MUC4: variants seen among roughly 807,000 people sequenced by gnomAD.
MUC4 encodes the protein mucin 4, cell surface associated.
In MUC4, 202 loss-of-function variants were observed where a neutral mutation model predicts 257.9. The ratio of observed to expected loss-of-function variants is 0.78; its 90% CI spans 0.70 to 0.88. The LOEUF (loss-of-function observed/expected upper bound fraction) is 0.88. MUC4 is among the 40% of genes least tolerant of loss of function. The pLI is 0.00. For synonymous variants in MUC4, 2,351 were observed against 2,757.1 expected, an observed-to-expected ratio of 0.85 and a Z score of 4.62; for missense variants, 5,976 against 6,513.7, an observed-to-expected ratio of 0.92 and a Z score of 2.84.
intron 4 of MUC4, among the ~76,000 whole-genome samples, chr3:195,773,713 G>A (rs547383587): frequency 7.2e-6 from 1 of 138,558 alleles, no homozygotes; most frequent in Non-Finnish European, 1.6e-5. Context: ...TCTCGCCATC[G>A]CTCAGCAGGT....
rs755979753 is a variant in MUC4, at chr3:195,754,391, T to C, written c.15169-19A>G. ...CAGCCACCTGGAGGAGGGTTGCCGA[T>C]CACGGGCGGCCAGGAGACCAAACTG... On this transcript the variant is annotated intron_variant, in intron 18 of 24. Transcript: ENST00000463781. 1 of 1,594,124 alleles carries C rather than the reference T, an allele frequency of 6.3e-7. No homozygotes were observed. The highest frequency in any genetic ancestry group is 2.3e-5 in the East Asian group (1 of 44,156).
At chr3:195,759,399 G>T in intron 16 of MUC4, 138 bp from the exon 17 acceptor site, 1 of 1,204,566 alleles carries the variant, frequency 8.3e-7, no homozygotes, top group Non-Finnish European at 1.2e-6. Flanking sequence ...ATTATTCTGT[G>T]TACCTGCTCT....
chr3:195,778,713 G>C, intron 2 of MUC4, 77 bp downstream of exon 2: 1 of 1,451,312 alleles, frequency 6.9e-7, no homozygotes, highest in South Asian at 1.3e-5. Flanking sequence ...ATGCACCAGT[G>C]TTCTCAGGTA....
At chr3:195,771,305 T>C (rs868155660) in intron 5 of MUC4, among the ~76,000 whole-genome samples, 9 of 70,260 alleles carry the variant, frequency 1.3e-4, no homozygotes, top group African/African-American at 5.2e-4. Flanking sequence ...AGTCTCGTGG[T>C]TGGGTTGGGG....
rs561885057 is a variant in MUC4 at position 195,801,350 on chromosome 3, G to A, written c.83-9853C>T. Among the ~76,000 whole-genome samples, 44 of 152,096 alleles carry A rather than the reference G, an allele frequency of 2.9e-4. No homozygotes were observed. The East Asian group carries it at 7.9e-3, about 27-fold the overall frequency. ...GGTCTCTCCTCTCTCTTCTCTCCCC[G>A]TGACCCTCCATTTTCTACTTCACTG... On this transcript the variant is annotated intron_variant, in intron 1 of 24. Transcript: ENST00000463781.
chr3:195,764,095 T>C lies in MUC4; in HGVS notation c.13994A>G (p.Gln4665Arg). The C allele has an allele frequency of 6.2e-7, 1 of 1,608,288 alleles. No individual in the cohort carries two copies. Among genetic ancestry groups the C allele is most frequent in the East Asian group, 2.2e-5 (1 of 44,672 alleles). The change falls in exon 11 of 25, where the codon CAG becomes CGG. Residue 4665 changes from glutamine (Q) to arginine (R), a missense_variant. Coordinates refer to ENST00000463781, the MANE Select transcript of MUC4 (RefSeq NM_018406.7). The stretch of plus-strand genomic sequence containing the variant: ...ACAGCCCACGTGGGGCCGCCTCTGC[T>C]GGTACAGGGCACAGAGGTAGGGCTT... ...NDKPYLCALYQQRRPHVGCAT... is the reference protein window; with the variant it reads ...NDKPYLCALYRQRRPHVGCAT...
chr3:195,808,907 G>T (rs1736336810), intron 1 of MUC4, among the ~76,000 whole-genome samples: 1 of 152,192 alleles, frequency 6.6e-6, no homozygotes. Flanking sequence ...GGTTCTCCGA[G>T]GAGGGGCCCA....
intron 4 of MUC4, among the ~76,000 whole-genome samples, chr3:195,772,843 T>TGTAGACACCCTCTCTCC (rs1156533937): frequency 9.3e-6 from 1 of 107,952 alleles, no homozygotes; most frequent in Non-Finnish European, 1.8e-5. Flanking sequence ...CGCTCAGGGG[T>TGTAGACACCCTCTCTCC]ATAGACACCC....
At chr3:195,793,183 A>C (rs959944163) in intron 1 of MUC4, among the ~76,000 whole-genome samples, 1 of 152,130 alleles carries the variant, frequency 6.6e-6, no homozygotes, top group Non-Finnish European at 1.5e-5. Context: ...ACAACTGTAC[A>C]TATTTGGGGG....
chr3:195,756,032 GAGA>G (rs1371161126), intron 18 of MUC4, among the ~76,000 whole-genome samples: 6 of 152,212 alleles, frequency 3.9e-5, no homozygotes, highest in African/African-American at 1.4e-4. Flanking sequence ...TAGAAACATG[GAGA>G]AGTAGTTTCT....
At chr3:195,801,278 G>C (rs898254806) in intron 1 of MUC4, among the ~76,000 whole-genome samples, 1 of 152,306 alleles carries the variant, frequency 6.6e-6, no homozygotes, top group African/African-American at 2.4e-5. Context: ...TTGGGGAGCA[G>C]AGAGCTGGGA....
In MUC4 at chr3:195,790,305, A is replaced by C. The variant is rs1733699677; in HGVS notation, c.1275T>G (p.Val425=). 3 of 1,613,930 alleles carry C rather than the reference A, an allele frequency of 1.9e-6. No homozygotes were observed. The highest frequency in any genetic ancestry group is 2.5e-6 in the Non-Finnish European group (3 of 1,179,844). The stretch of plus-strand genomic sequence containing the variant: ...GAGTGTCTGACCACCATATGGTTGA[A>C]ACTTTGGAAGTGATTGCAGAAATGG... ...SGTISAITSK[V]STIWWSDTLS... The change falls in exon 2 of 25, where the codon GTT becomes GTG. Residue 425 remains valine, a synonymous_variant. Coordinates refer to ENST00000463781, the MANE Select transcript of MUC4 (RefSeq NM_018406.7).
intron 1 of MUC4, among the ~76,000 whole-genome samples, chr3:195,799,881 G>A (rs1421845032): frequency 1.3e-5 from 2 of 152,212 alleles, no homozygotes; most frequent in South Asian, 2.1e-4. Flanking sequence ...TGTTGGCAGT[G>A]TGCAAGAGTG....
rs1487869993 is a variant in MUC4, at chr3:195,761,105, C to G, written c.14627G>C (p.Gly4876Ala). The G allele has an allele frequency of 4.3e-6, 7 of 1,614,124 alleles. No homozygotes were observed. In the East Asian group the frequency reaches 1.6e-4, roughly 36 times the overall value. Residue 4876 changes from glycine (G) to alanine (A), a missense_variant, in exon 16 of 25, where the codon GGG becomes GCG. By Grantham distance (60) the Gly-to-Ala change is moderately conservative. Transcript: ENST00000463781. Reference sequence around the variant, plus strand: ...ATTCCTCTTGCCAAGGAGGCCTGTCCCGTTGATCTGCCCTGTAACACACAG... The same window carrying G: ...ATTCCTCTTGCCAAGGAGGCCTGTCGCGTTGATCTGCCCTGTAACACACAG... ...FHFGMTWQIN[G>A]TGLLGKRNDQ...
At chr3:195,758,998 G>T in intron 17 of MUC4, 126 bp downstream of exon 17, 1 of 1,296,252 alleles carries the variant, frequency 7.7e-7, no homozygotes, top group Non-Finnish European at 1.1e-6. Flanking sequence ...TGCCGGTCCT[G>T]GATATTCAAA....
Position 195,765,070 on chromosome 3 carries a change from T to G in MUC4, c.13851A>C (p.Gly4617=). 6.2e-7 allele frequency: 1 copy of G among 1,613,820 alleles called. No individual in the cohort carries two copies. The highest frequency in any genetic ancestry group is 8.5e-7 in the Non-Finnish European group (1 of 1,179,910). ...AGGGCCCGTAGCTGCAGCACACGCC[T>G]CCTCGCCAAGAGGTGAAGCTGCACA... ...RQLCSFTSWR[G]GVCCSYGPWG... The change falls in exon 10 of 25, where the codon GGA becomes GGC. Residue 4617 remains glycine, a synonymous_variant. Transcript: ENST00000463781.
chr3:195,791,518 C>G (rs1428687481), intron 1 of MUC4, 21 bp from the exon 2 acceptor site: 1 of 1,517,118 alleles, frequency 6.6e-7, no homozygotes, highest in South Asian at 1.1e-5. Flanking sequence ...CCAAAATAGG[C>G]AAGCAGAGAG....
At position 195,788,982 on chromosome 3, in the gene MUC4, C is replaced by A; in HGVS notation, c.2598G>T (p.Ser866=). The A allele has an allele frequency of 6.2e-7, 1 of 1,613,648 alleles. No individual in the cohort carries two copies. Among genetic ancestry groups the A allele is most frequent in the Non-Finnish European group, 8.5e-7 (1 of 1,179,778 alleles). Residue 866 remains serine, a synonymous_variant, in exon 2 of 25, where the codon TCG becomes TCT. Coordinates refer to ENST00000463781, the MANE Select transcript of MUC4 (RefSeq NM_018406.7). The part of the protein sequence containing the change: ...AIPVSTGMAS[S]IVPGTFHPTL... ...TGGGATGAAAGGTGCCGGGGACGAT[C>A]GAAGACGCCATTCCTGTGCTTACTG...
intron 3 of MUC4, 25 bp from the exon 4 acceptor site, chr3:195,774,330 G>C: frequency 6.7e-7 from 1 of 1,499,726 alleles, no homozygotes; most frequent in Non-Finnish European, 8.9e-7. Flanking sequence ...AGAAGAGCAG[G>C]AAGTCCAAGT....
Sources: gnomAD v4.1 joint callset for allele counts (sites outside exome capture counted in the v4.1 genomes callset) on GRCh38, gnomAD v4.1.1 for gene constraint, MANE v1.5 for transcripts, NCBI Gene and HGNC (gene_info 2026-07-23, HGNC 2026-07-21) for gene names.